THADA: variants seen among roughly 807,000 people sequenced by gnomAD.
THADA encodes the protein THADA armadillo repeat containing, also known as tRNA (32-2'-O)-methyltransferase regulator THADA.
THADA carries 213 observed loss-of-function variants against 219.8 expected under a neutral mutation model. The observed-to-expected ratio is 0.97, with a 90% CI of 0.87 to 1.09. The LOEUF is 1.09. THADA is among the 50% of genes least tolerant of loss of function. THADA has a pLI of 0.00. For missense variants in THADA, 2,956 were observed against 2,311.3 expected (o/e 1.28, Z -5.72); for synonymous variants, 1,018 against 828.9 (o/e 1.23, Z -3.92).
intron 31 of THADA, among the ~76,000 whole-genome samples, chr2:43,294,203 G>A (rs1675086755): frequency 6.6e-6 from 1 of 151,980 alleles, no homozygotes; most frequent in Non-Finnish European, 1.5e-5. Context: ...TCTCAGTTCT[G>A]ATTAAAAAAA....
At chr2:43,394,500 A>C (rs879352149) in intron 29 of THADA, among the ~76,000 whole-genome samples, 1 of 152,216 alleles carries the variant, frequency 6.6e-6, no homozygotes, top group Non-Finnish European at 1.5e-5. Context: ...TAACAACTTT[A>C]TATTTATTTA....
chr2:43,329,029 G>A (rs1452800025), intron 30 of THADA, among the ~76,000 whole-genome samples: 2 of 152,202 alleles, frequency 1.3e-5, no homozygotes, highest in Non-Finnish European at 2.9e-5. Flanking sequence ...ACCTTGGTGT[G>A]GGGCTTGGGA....
At chr2:43,327,798 C>G (rs1410797175) in intron 30 of THADA, among the ~76,000 whole-genome samples, 1 of 152,180 alleles carries the variant, frequency 6.6e-6, no homozygotes, top group East Asian at 1.9e-4. Flanking sequence ...AGCCCCTCCT[C>G]TATTTCTAGA....
chr2:43,552,795 C>T (rs1015696981), intron 17 of THADA, among the ~76,000 whole-genome samples: 2 of 151,894 alleles, frequency 1.3e-5, no homozygotes, highest in Admixed American at 6.6e-5. Flanking sequence ...TTTCACTGCC[C>T]TCCTGCCACC....
chr2:43,253,792 A>G (rs1670044465), intron 36 of THADA, among the ~76,000 whole-genome samples: 1 of 152,168 alleles, frequency 6.6e-6, no homozygotes, highest in South Asian at 2.1e-4. Context: ...CTGTAGCTGA[A>G]TTAATGTTAA....
chr2:43,309,596 T>A (rs938683251), intron 31 of THADA, among the ~76,000 whole-genome samples: 1 of 152,216 alleles, frequency 6.6e-6, no homozygotes, highest in Admixed American at 6.5e-5. Flanking sequence ...AAATTCAACA[T>A]TCTTTTGTGG....
At chr2:43,344,480 G>A (rs1667408395) in intron 29 of THADA, among the ~76,000 whole-genome samples, 1 of 152,180 alleles carries the variant, frequency 6.6e-6, no homozygotes, top group Non-Finnish European at 1.5e-5. Context: ...ACTGATGACT[G>A]TGGCCCAACA....
chr2:43,512,659 C>T lies in THADA; in HGVS notation c.3375-3879G>A, dbSNP rs562646855. Among the ~76,000 whole-genome samples the T allele has an allele frequency of 2.8e-4, 43 of 152,322 alleles. No homozygotes were observed. The South Asian group carries it at 7.5e-3, about 26-fold the overall frequency. On this transcript the variant is annotated intron_variant, in intron 22 of 37. Transcript: ENST00000405975. ...CTGGGATTACAGGCATGGGCCACCA[C>T]GCCCAGCTAACTTTGTATTTTTAGT...
At chr2:43,249,326 A>G (rs1015006704) in intron 36 of THADA, among the ~76,000 whole-genome samples, 1 of 152,144 alleles carries the variant, frequency 6.6e-6, no homozygotes, top group African/African-American at 2.4e-5. Flanking sequence ...GGGCTCAAGC[A>G]TTGCTCCCAC....
intron 29 of THADA, among the ~76,000 whole-genome samples, chr2:43,346,812 G>T (rs1480268949): frequency 2.0e-5 from 3 of 152,148 alleles, no homozygotes; most frequent in Non-Finnish European, 4.4e-5. Flanking sequence ...ACTCTGCCTG[G>T]TCATGATTTA....
chr2:43,269,123 C>T (rs1017101229), intron 36 of THADA, among the ~76,000 whole-genome samples: 22 of 152,186 alleles, frequency 1.4e-4, no homozygotes, highest in African/African-American at 4.6e-4. Flanking sequence ...GCCGAGGCCA[C>T]GAGCTGGAGA....
chr2:43,468,495 G>C (rs1005658740), intron 26 of THADA, among the ~76,000 whole-genome samples: 10 of 151,964 alleles, frequency 6.6e-5, no homozygotes, highest in African/African-American at 2.2e-4. Context: ...TCCAATAAAG[G>C]GTCAGTAAAG....
intron 31 of THADA, among the ~76,000 whole-genome samples, chr2:43,295,354 C>T (rs900757755): frequency 1.3e-5 from 2 of 152,260 alleles, no homozygotes; most frequent in South Asian, 2.1e-4. Context: ...TTGCCTCAAA[C>T]GCTCTTCCAG....
intron 30 of THADA, among the ~76,000 whole-genome samples, chr2:43,336,777 T>C (rs890626732): frequency 6.6e-6 from 1 of 152,202 alleles, no homozygotes; most frequent in African/African-American, 2.4e-5. Context: ...CATTAAGAAC[T>C]AGCATCAGCC....
chr2:43,321,323 T>A (rs2104464750), intron 30 of THADA, among the ~76,000 whole-genome samples: 1 of 152,352 alleles, frequency 6.6e-6, no homozygotes, highest in Admixed American at 6.5e-5. Flanking sequence ...GTCCTGGCTT[T>A]CCCACTTACA....
chr2:43,555,655 C>A (rs1315275929), intron 17 of THADA, among the ~76,000 whole-genome samples: 1 of 152,112 alleles, frequency 6.6e-6, no homozygotes, highest in Non-Finnish European at 1.5e-5. Flanking sequence ...TGGCCATATT[C>A]CCACCAGAAC....
rs368042779 is a variant in THADA, at chr2:43,314,166, T to C, written c.4438+6280A>G. The stretch of plus-strand genomic sequence containing the variant: ...GGGGTAGGAAAACAGCCTTCTGAGA[T>C]CATTTATATGAAGGGTATGGATGGA... On this transcript the variant is annotated intron_variant, in intron 31 of 37. Transcript: ENST00000405975. Among the ~76,000 whole-genome samples the C allele has an allele frequency of 1.1e-4, 16 of 152,304 alleles. No individual in the cohort carries two copies. The East Asian group carries it at 1.7e-3, about 17-fold the overall frequency.
At chr2:43,485,687 CCATTT>C (rs1461373113) in intron 25 of THADA, among the ~76,000 whole-genome samples, 1 of 152,002 alleles carries the variant, frequency 6.6e-6, no homozygotes, top group African/African-American at 2.4e-5. Context: ...TCAGCTCTTT[CCATTT>C]ATTTTCTGAA....
At chr2:43,273,913 G>C (rs1286749692) in intron 36 of THADA, among the ~76,000 whole-genome samples, 1 of 152,114 alleles carries the variant, frequency 6.6e-6, no homozygotes, top group African/African-American at 2.4e-5. Context: ...GTGTGCAGAT[G>C]TTGTTTTTTT....
Sources: allele counts gnomAD v4.1 joint callset (sites outside exome capture counted in the v4.1 genomes callset), GRCh38; gene constraint gnomAD v4.1.1; transcripts MANE v1.5; gene names NCBI Gene and HGNC (gene_info 2026-07-23, HGNC 2026-07-21).